DST: variants seen among roughly 807,000 people sequenced by gnomAD.
The protein encoded by DST is bullous pemphigoid antigen.
Under a neutral mutation model 875.2 loss-of-function variants are expected in DST, and 253 were observed. The ratio of observed to expected loss-of-function variants is 0.29; its 90% confidence interval spans 0.26 to 0.32. The LOEUF is 0.32. Among genes scored for constraint, DST ranks in the 10% least tolerant of loss-of-function variants. The probability of loss-of-function intolerance (pLI) is 1.00; values close to 1 mark genes in which losing one functional copy is unlikely to be tolerated. For missense variants in DST, 8,287 were observed against 9,111.6 expected (o/e 0.91, Z 3.68); for synonymous variants, 3,124 against 3,197.1 (o/e 0.98, Z 0.77).
intron 44 of DST, 52 bp from the exon 45 acceptor site, chr6:56,600,273 G>A (rs996853262): frequency 3.2e-6 from 5 of 1,552,884 alleles, no homozygotes; most frequent in African/African-American, 2.7e-5. Context: ...TCACAAAATC[G>A]CTATTGTGAT....
intron 10 of DST, among the ~76,000 whole-genome samples, chr6:56,661,748 G>T (rs1320589837): frequency 6.6e-6 from 1 of 152,068 alleles, no homozygotes; most frequent in Non-Finnish European, 1.5e-5. Context: ...CACCAGGCCT[G>T]GCTAACTTTT....
intron 2 of DST, among the ~76,000 whole-genome samples, chr6:56,929,674 A>T (rs890556923): frequency 1.3e-5 from 2 of 152,216 alleles, no homozygotes; most frequent in African/African-American, 4.8e-5. Flanking sequence ...CTTCTCAAAA[A>T]TCAAACAAAT....
chr6:56,615,292 A>C, intron 36 of DST: 1 of 1,346,464 alleles, frequency 7.4e-7, no homozygotes, highest in Non-Finnish European at 9.5e-7. Flanking sequence ...AGTTTCAAAA[A>C]ACCATTCTCA....
At chr6:56,706,130 G>A (rs1303646738) in intron 5 of DST, among the ~76,000 whole-genome samples, 3 of 151,686 alleles carry the variant, frequency 2.0e-5, no homozygotes, top group Non-Finnish European at 2.9e-5. Flanking sequence ...CCTGGCCAAC[G>A]TGGTGAAACC....
intron 4 of DST, among the ~76,000 whole-genome samples, chr6:56,813,350 A>C (rs896557688): frequency 1.3e-5 from 2 of 151,490 alleles, no homozygotes; most frequent in African/African-American, 4.9e-5. Context: ...TAACCTGCAC[A>C]TTGTGCACAT....
At chr6:56,801,129 TTTTAAC>T (rs200378718) in intron 4 of DST, among the ~76,000 whole-genome samples, 24,691 of 152,056 alleles carry the variant, frequency 0.16, 2,213 homozygotes, top group Non-Finnish European at 0.19. Flanking sequence ...CCCAAAGAAT[TTTTAAC>T]CTTTGCCACA....
intron 103 of DST, among the ~76,000 whole-genome samples, chr6:56,459,781 A>C (rs2152368755): frequency 6.6e-6 from 1 of 152,298 alleles, no homozygotes; most frequent in East Asian, 1.9e-4. Context: ...TGTGAGCTAC[A>C]CTGGTGTGAG....
rs1353871447 is a variant in DST at position 56,640,575 on chromosome 6, G to A, written c.2058C>T (p.Ala686=). Residue 686 remains alanine (A), a synonymous_variant, in exon 18 of 104, where the codon GCC becomes GCT. Coordinates refer to ENST00000680361, the MANE Select transcript of DST (RefSeq NM_001374736.1). ...ACACAGAAGAACATTCGTTCCTTAA[G>A]GCCATAATTTCGTCACGCAGTTTTG... The part of the protein sequence containing the change: ...RVAKLRDEIM[A]LRNECSSVYS... The A allele has an allele frequency of 6.2e-7, 1 of 1,614,120 alleles. No homozygotes were observed. Among genetic ancestry groups the A allele is most frequent in the Admixed American group, 1.7e-5 (1 of 60,004 alleles).
intron 69 of DST, among the ~76,000 whole-genome samples, chr6:56,520,603 G>A (rs1452559664): frequency 6.6e-6 from 1 of 151,934 alleles, no homozygotes; most frequent in African/African-American, 2.4e-5. Context: ...GGTGAACTTA[G>A]AATTATCTTA....
intron 58 of DST, among the ~76,000 whole-genome samples, chr6:56,559,079 A>G (rs2097487704): frequency 6.6e-6 from 1 of 152,174 alleles, no homozygotes; most frequent in Non-Finnish European, 1.5e-5. Context: ...AGCATAACAC[A>G]CTAAAGGGAT....
At chr6:56,812,086 A>G (rs1254948186) in intron 4 of DST, among the ~76,000 whole-genome samples, 9 of 144,792 alleles carry the variant, frequency 6.2e-5, no homozygotes, top group Non-Finnish European at 1.4e-4. Context: ...TGGGCAACAG[A>G]AAGAGACTCT....
intron 36 of DST, chr6:56,620,236 C>T: frequency 1.9e-6 from 3 of 1,613,816 alleles, no homozygotes; most frequent in Non-Finnish European, 2.5e-6. Flanking sequence ...TTTGTTGCTC[C>T]AAATCATTGA....
At position 56,618,026 on chromosome 6, in the gene DST, G is replaced by C. The variant is rs778742941; in HGVS notation, c.4930-3542C>G. ...AACCTTCACCAGTTCCATTTCACAT[G>C]CGTTATCTTGATACCTAACAGGTGG... On this transcript the variant is annotated intron_variant, in intron 36 of 103. Coordinates refer to ENST00000680361, the MANE Select transcript of DST (RefSeq NM_001374736.1). 2 of 1,614,122 alleles carry C rather than the reference G, an allele frequency of 1.2e-6. No homozygotes were observed. Among genetic ancestry groups the C allele is most frequent in the East Asian group, 2.2e-5 (1 of 44,878 alleles).
chr6:56,843,055 C>G, intron 4 of DST: 1 of 1,518,018 alleles, frequency 6.6e-7, no homozygotes, highest in Non-Finnish European at 8.9e-7. Context: ...GACCACATAC[C>G]TTTGTACCTC....
chr6:56,516,029 T>A (rs1469567887), intron 71 of DST, among the ~76,000 whole-genome samples: 2 of 151,998 alleles, frequency 1.3e-5, no homozygotes, highest in Non-Finnish European at 2.9e-5. Flanking sequence ...ATTGTCAAAA[T>A]TTTTAGTTAA....
At chr6:56,566,458 T>C (rs965412966) in intron 55 of DST, among the ~76,000 whole-genome samples, 6 of 152,190 alleles carry the variant, frequency 3.9e-5, no homozygotes, top group African/African-American at 1.4e-4. Flanking sequence ...AGGGAAGTTT[T>C]CCGACCCCTT....
rs1349738879 is a variant in DST, at chr6:56,632,027, T to C, written c.3819A>G (p.Glu1273=). The C allele has an allele frequency of 1.2e-6, 2 of 1,612,176 alleles. No individual in the cohort carries two copies. The highest frequency in any genetic ancestry group is 1.7e-6 in the Non-Finnish European group (2 of 1,178,418). The part of the protein sequence containing the change: ...LKSAEREEQE[E]SVYNLYISEV... Reference sequence around the variant, plus strand: ...CAGAGATGTAGAGATTATAAACTGATTCCTCTTGCTCCTCTGTGAAAATAA... The same window carrying C: ...CAGAGATGTAGAGATTATAAACTGACTCCTCTTGCTCCTCTGTGAAAATAA... The change falls in exon 29 of 104, where the codon GAA becomes GAG. Residue 1273 remains glutamate (E), a synonymous_variant. Coordinates refer to ENST00000680361, the MANE Select transcript of DST (RefSeq NM_001374736.1).
At chr6:56,598,113 C>A in intron 46 of DST, 107 bp from the exon 47 acceptor site, 1 of 1,087,480 alleles carries the variant, frequency 9.2e-7, no homozygotes, top group Non-Finnish European at 1.2e-6. Flanking sequence ...AATGAGGGTA[C>A]TAAAAACTGA....
At chr6:56,669,647 G>A (rs1048721745) in intron 10 of DST, among the ~76,000 whole-genome samples, 3 of 151,540 alleles carry the variant, frequency 2.0e-5, no homozygotes, top group East Asian at 1.9e-4. Context: ...AATACTTTCC[G>A]GGGATTTAGC....
Sources: gnomAD v4.1 joint callset for allele counts (sites outside exome capture counted in the v4.1 genomes callset) on GRCh38, gnomAD v4.1.1 for gene constraint, MANE v1.5 for transcripts, NCBI Gene and HGNC (gene_info 2026-07-23, HGNC 2026-07-21) for gene names.